The following RELN variants were observed in gnomAD, a reference collection of about 807,000 sequenced individuals.
RELN encodes the protein reelin.
A neutral mutation model predicts 427.6 loss-of-function variants in RELN; 108 were observed. The ratio of observed to expected loss-of-function variants is 0.25; its 90% CI spans 0.22 to 0.30. RELN has a LOEUF of 0.30. RELN is among the 10% of genes least tolerant of loss of function. The probability of loss-of-function intolerance (pLI) is 1.00; values close to 1 mark genes in which losing one functional copy is unlikely to be tolerated. For missense variants in RELN, 3,715 were observed against 4,302.8 expected, an observed-to-expected ratio of 0.86 and a Z score of 3.82; for synonymous variants, 1,524 against 1,513.4, an observed-to-expected ratio of 1.01 and a Z score of -0.16.
At chr7:103,956,755 A>G (rs1050940532) in intron 1 of RELN, among the ~76,000 whole-genome samples, 1 of 152,232 alleles carries the variant, frequency 6.6e-6, no homozygotes, top group African/African-American at 2.4e-5. Flanking sequence ...TATGCTAAGG[A>G]TGAAGCTGTA....
chr7:103,796,875 C>CAAAAAAAAAAA (rs1310087423), intron 3 of RELN, among the ~76,000 whole-genome samples: 3 of 67,138 alleles, frequency 4.5e-5, no homozygotes, highest in Non-Finnish European at 8.3e-5. Context: ...CTCCATCTCA[C>CAAAAAAAAAAA]AAAAAAAAAA....
intron 1 of RELN, among the ~76,000 whole-genome samples, chr7:103,955,410 C>G (rs1315389318): frequency 6.6e-6 from 1 of 152,184 alleles, no homozygotes; most frequent in Admixed American, 6.5e-5. Flanking sequence ...AGTAGACCTT[C>G]AGGTAATTTT....
chr7:103,915,055 T>A (rs1242362316), intron 2 of RELN, among the ~76,000 whole-genome samples: 1 of 152,130 alleles, frequency 6.6e-6, no homozygotes, highest in African/African-American at 2.4e-5. Context: ...TAGTCTCCTA[T>A]CTAGCCGTAT....
chr7:103,688,873 G>A (rs1031939674), intron 10 of RELN, among the ~76,000 whole-genome samples: 8 of 152,006 alleles, frequency 5.3e-5, no homozygotes, highest in African/African-American at 1.4e-4. Flanking sequence ...CCTAACGTCT[G>A]TTGTCTTCAT....
At chr7:103,769,151 A>T (rs1791501800) in intron 4 of RELN, among the ~76,000 whole-genome samples, 4 of 152,194 alleles carry the variant, frequency 2.6e-5, no homozygotes, top group Admixed American at 2.6e-4. Flanking sequence ...GACTCTGGAA[A>T]GTAAGGTCAC....
intron 4 of RELN, among the ~76,000 whole-genome samples, chr7:103,755,562 C>T (rs1185485270): frequency 2.0e-5 from 3 of 149,668 alleles, no homozygotes; most frequent in Non-Finnish European, 3.0e-5. Flanking sequence ...GAGCTAAGAT[C>T]GCGCCACCGC....
chr7:103,692,546 A>G (rs1833894215), intron 10 of RELN, among the ~76,000 whole-genome samples: 1 of 152,088 alleles, frequency 6.6e-6, no homozygotes, highest in African/African-American at 2.4e-5. Flanking sequence ...CCCCATTTCT[A>G]CTGCAGGAGA....
chr7:103,903,653 CT>C (rs374541017), intron 2 of RELN, among the ~76,000 whole-genome samples: 91 of 151,650 alleles, frequency 6.0e-4, no homozygotes, highest in Admixed American at 1.7e-3. Flanking sequence ...TCCTGATGTT[CT>C]TTTTTTTGTT....
chr7:103,943,417 T>C lies in RELN; in HGVS notation c.227-26232A>G, dbSNP rs573604090. ...AGCCATGATGTTCAGTGGCATAACA[T>C]GGAAATTTAATGAGACCTTCTTGAG... On this transcript the variant is annotated intron_variant, in intron 1 of 64. Coordinates refer to ENST00000428762, the MANE Select transcript of RELN (RefSeq NM_005045.4). Among the ~76,000 whole-genome samples the C allele has an allele frequency of 3.3e-5, 5 of 152,270 alleles. No homozygotes were observed. In the South Asian group the frequency reaches 6.2e-4, roughly 19 times the overall value.
At chr7:103,905,074 G>A (rs1324594585) in intron 2 of RELN, among the ~76,000 whole-genome samples, 4 of 149,924 alleles carry the variant, frequency 2.7e-5, no homozygotes, top group Non-Finnish European at 4.4e-5. Context: ...TCTGCCTCCG[G>A]GGTTCAAGTG....
intron 16 of RELN, among the ~76,000 whole-genome samples, chr7:103,648,254 A>T (rs920661220): frequency 6.6e-6 from 1 of 151,818 alleles, no homozygotes; most frequent in African/African-American, 2.4e-5. Flanking sequence ...TTCTAACAAG[A>T]TTTGTTTGTT....
At chr7:103,884,976 G>A (rs1794690691) in intron 2 of RELN, among the ~76,000 whole-genome samples, 1 of 152,090 alleles carries the variant, frequency 6.6e-6, no homozygotes, top group South Asian at 2.1e-4. Context: ...AAAGACACAT[G>A]CACACATATG....
At chr7:103,832,702 G>A (rs1793304210) in intron 3 of RELN, among the ~76,000 whole-genome samples, 1 of 152,092 alleles carries the variant, frequency 6.6e-6, no homozygotes, top group Non-Finnish European at 1.5e-5. Flanking sequence ...ATCTAAGGAT[G>A]CTCTTGAGAA....
chr7:103,601,034 C>T (rs1311077472), intron 24 of RELN, among the ~76,000 whole-genome samples: 2 of 152,106 alleles, frequency 1.3e-5, no homozygotes, highest in Non-Finnish European at 2.9e-5. Flanking sequence ...AATTTTGGAG[C>T]CCAGATAGTC....
intron 2 of RELN, among the ~76,000 whole-genome samples, chr7:103,914,872 A>C (rs1224712925): frequency 1.3e-5 from 2 of 151,994 alleles, no homozygotes; most frequent in Non-Finnish European, 2.9e-5. Flanking sequence ...ACCACAGAAC[A>C]ATCTTTCTGA....
At chr7:103,816,256 G>A (rs1406460232) in intron 3 of RELN, among the ~76,000 whole-genome samples, 1 of 152,120 alleles carries the variant, frequency 6.6e-6, no homozygotes, top group Admixed American at 6.6e-5. Context: ...GCACACACCT[G>A]TAATCCCAGC....
chr7:103,723,080 C>T, intron 8 of RELN, 60 bp downstream of exon 8: 11 of 1,040,738 alleles, frequency 1.1e-5, no homozygotes, highest in African/African-American at 1.6e-5. Context: ...CCTGATTGCA[C>T]ACTATGTTTA....
At chr7:103,742,696 C>T (rs143794588) in intron 6 of RELN, among the ~76,000 whole-genome samples, 3,377 of 152,038 alleles carry the variant, frequency 0.022, 62 homozygotes, top group Middle Eastern at 0.058. Context: ...TGAAATGAAG[C>T]GAGAAGAGAA....
At chr7:103,619,809 T>G (rs1480955161) in intron 20 of RELN, among the ~76,000 whole-genome samples, 1 of 152,072 alleles carries the variant, frequency 6.6e-6, no homozygotes, top group Non-Finnish European at 1.5e-5. Context: ...GAAGAATCAA[T>G]CCTCACAGCT....
Sources: allele counts gnomAD v4.1 joint callset (sites outside exome capture counted in the v4.1 genomes callset), GRCh38; gene constraint gnomAD v4.1.1; transcripts MANE v1.5; gene names NCBI Gene and HGNC (gene_info 2026-07-23, HGNC 2026-07-21).